PCDHGA1: variants seen among roughly 807,000 people sequenced by gnomAD.
The protein encoded by PCDHGA1 is protocadherin gamma subfamily A, 1.
PCDHGA1 carries 32 observed loss-of-function variants against 58.0 expected under a neutral mutation model. That is an observed-to-expected ratio of 0.55 (90% CI 0.42 to 0.74). PCDHGA1 has a LOEUF of 0.74. Among genes scored for constraint, PCDHGA1 ranks in the 30% least tolerant of loss-of-function variants. PCDHGA1 has a pLI of 0.00. For synonymous variants in PCDHGA1, 498 were observed against 501.1 expected, an observed-to-expected ratio of 0.99 and a Z score of 0.08; for missense variants, 1,205 against 1,182.3, an observed-to-expected ratio of 1.02 and a Z score of -0.28.
At chr5:141,361,597 TCCTA>T in intron 1 of PCDHGA1, 1 of 1,614,048 alleles carries the variant, frequency 6.2e-7, no homozygotes, top group Non-Finnish European at 8.5e-7. Flanking sequence ...TGGCCAAGTT[TCCTA>T]CTCCATCGTA....
chr5:141,370,490 G>C (rs780342479), intron 1 of PCDHGA1: 2 of 1,613,894 alleles, frequency 1.2e-6, no homozygotes, highest in South Asian at 1.1e-5. Flanking sequence ...TCTCCGAACC[G>C]ATCCGCTACG....
At chr5:141,360,382 GACTT>G (rs771983102) in intron 1 of PCDHGA1, 1 of 1,613,906 alleles carries the variant, frequency 6.2e-7, no homozygotes, top group Non-Finnish European at 8.5e-7. Context: ...AGAAAGCGGA[GACTT>G]ACTTGTGAGT....
chr5:141,345,528 G>T, intron 1 of PCDHGA1: 1 of 1,614,130 alleles, frequency 6.2e-7, no homozygotes, highest in Non-Finnish European at 8.5e-7. Flanking sequence ...TCTCCAGGGG[G>T]CGCCCCTGTC....
intron 1 of PCDHGA1, chr5:141,345,116 C>A: frequency 6.2e-7 from 1 of 1,613,858 alleles, no homozygotes; most frequent in African/African-American, 1.3e-5. Context: ...AAGAGGGCAC[C>A]GTTGGAAGAG....
At chr5:141,345,981 G>A in intron 1 of PCDHGA1, 1 of 1,613,408 alleles carries the variant, frequency 6.2e-7, no homozygotes, top group Non-Finnish European at 8.5e-7. Context: ...CCAGGACCAC[G>A]GCCAGCCCCC....
rs2099745591 is a variant in PCDHGA1, at chr5:141,492,999, T to C, written c.2422-1808T>C. Among the ~76,000 whole-genome samples, 3 of 152,350 alleles carry C rather than the reference T, an allele frequency of 2.0e-5. No homozygotes were observed. In the South Asian group the frequency reaches 6.2e-4, roughly 32 times the overall value. ...CTGTCTCCTCTGGCAGATGGAAAGCTATAGGCTCTGCCAGATGCCAGGGTG... is the reference window on the plus strand; with the variant it reads ...CTGTCTCCTCTGGCAGATGGAAAGCCATAGGCTCTGCCAGATGCCAGGGTG... On this transcript the variant is annotated intron_variant, in intron 1 of 3. Coordinates refer to ENST00000517417, the MANE Select transcript of PCDHGA1 (RefSeq NM_018912.3).
In PCDHGA1 at chr5:141,492,378, C is replaced by T. The variant is rs144479033; in HGVS notation, c.2422-2429C>T. Among the ~76,000 whole-genome samples the T allele has an allele frequency of 1.7e-3, 262 of 152,360 alleles. 2 individuals are homozygous for T. The highest frequency in any genetic ancestry group is 3.0e-3 in the Non-Finnish European group (207 of 68,026). On this transcript the variant is annotated intron_variant, in intron 1 of 3. Coordinates refer to ENST00000517417, the MANE Select transcript of PCDHGA1 (RefSeq NM_018912.3). ...CTCGCTCGCGGCCAGATTCACAGGCCTGTTCCGGTCCACTCGCAGCTCCCC... is the reference window on the plus strand; with the variant it reads ...CTCGCTCGCGGCCAGATTCACAGGCTTGTTCCGGTCCACTCGCAGCTCCCC...
chr5:141,350,834 C>T (rs1353331029), intron 1 of PCDHGA1: 1 of 1,614,054 alleles, frequency 6.2e-7, no homozygotes, highest in Admixed American at 1.7e-5. Context: ...TCCGGTATTA[C>T]TGCTGGAAAA....
chr5:141,413,600 T>C lies in PCDHGA1; in HGVS notation c.2421+80495T>C, dbSNP rs767830855. The C allele has an allele frequency of 3.7e-6, 6 of 1,613,868 alleles. No individual in the cohort carries two copies. The Admixed American group carries it at 8.3e-5, about 22-fold the overall frequency. Reference sequence around the variant, plus strand: ...GCTCCAAAATTCCAAGCAGAAAATCTAGACGTAAAAATTAATGAAAATGTC... The same window carrying C: ...GCTCCAAAATTCCAAGCAGAAAATCCAGACGTAAAAATTAATGAAAATGTC... On this transcript the variant is annotated intron_variant, in intron 1 of 3. Transcript: ENST00000517417.
intron 1 of PCDHGA1, chr5:141,408,823 T>G: frequency 4.3e-6 from 7 of 1,613,568 alleles, no homozygotes; most frequent in Non-Finnish European, 5.9e-6. Flanking sequence ...AACAGAGATC[T>G]CATAGCTTGA....
intron 2 of PCDHGA1, among the ~76,000 whole-genome samples, chr5:141,498,815 C>T (rs1595543994): frequency 6.6e-6 from 1 of 152,032 alleles, no homozygotes. Flanking sequence ...CACCTGTAGT[C>T]CCAGCTACTC....
chr5:141,487,068 T>C lies in PCDHGA1; in HGVS notation c.2422-7739T>C. ...TATGCTGGGGAGGTGCGGACGGCTG[T>C]TCCTATCCCAGCTGACCTCCCACCA... On this transcript the variant is annotated intron_variant, in intron 1 of 3. Transcript: ENST00000517417. The surrounding 1 kb of genome is among the most constrained non-coding windows in gnomAD (Gnocchi z 5.0). The C allele has an allele frequency of 6.2e-7, 1 of 1,614,166 alleles. No individual in the cohort carries two copies. The highest frequency in any genetic ancestry group is 8.5e-7 in the Non-Finnish European group (1 of 1,180,016).
At chr5:141,403,590 C>A (rs770895828) in intron 1 of PCDHGA1, 7 of 1,613,866 alleles carry the variant, frequency 4.3e-6, no homozygotes, top group Non-Finnish European at 5.1e-6. Context: ...CTGGTCCTCA[C>A]GGCCTCGGAT....
intron 1 of PCDHGA1, chr5:141,468,586 G>C (rs1232477889): frequency 1.3e-5 from 2 of 152,176 alleles, no homozygotes; most frequent in East Asian, 1.9e-4. Context: ...GGTACTAAAG[G>C]CTGGGCGCGG....
At chr5:141,398,544 G>A (rs1002395942) in intron 1 of PCDHGA1, 1 of 1,613,852 alleles carries the variant, frequency 6.2e-7, no homozygotes, top group Non-Finnish European at 8.5e-7. Flanking sequence ...ATTCCTTTGA[G>A]CTGCAAATAA....
At chr5:141,497,468 G>A (rs912445126) in intron 2 of PCDHGA1, among the ~76,000 whole-genome samples, 10 of 151,996 alleles carry the variant, frequency 6.6e-5, no homozygotes, top group African/African-American at 2.4e-4. Flanking sequence ...GAGATATGGA[G>A]GAGAAGGTGC....
At chr5:141,379,815 T>C (rs1489145506) in intron 1 of PCDHGA1, among the ~76,000 whole-genome samples, 2 of 150,388 alleles carry the variant, frequency 1.3e-5, no homozygotes, top group South Asian at 2.1e-4. Context: ...GAGTTCAGTA[T>C]AGAATTTTGA....
At chr5:141,356,760 C>T in intron 1 of PCDHGA1, 3 of 1,613,850 alleles carry the variant, frequency 1.9e-6, no homozygotes, top group Non-Finnish European at 2.5e-6. Flanking sequence ...TTTGCTCCTT[C>T]GACTATGAGC....
At chr5:141,345,982 G>A (rs1757678602) in intron 1 of PCDHGA1, 1 of 1,613,396 alleles carries the variant, frequency 6.2e-7, no homozygotes, top group East Asian at 2.2e-5. Context: ...CAGGACCACG[G>A]CCAGCCCCCT....
Sources: allele counts gnomAD v4.1 joint callset (sites outside exome capture counted in the v4.1 genomes callset), GRCh38; gene constraint gnomAD v4.1.1; non-coding constraint Gnocchi (gnomAD v3.1); transcripts MANE v1.5; gene names NCBI Gene and HGNC (gene_info 2026-07-23, HGNC 2026-07-21).